LSAMP: variants seen among roughly 807,000 people sequenced by gnomAD.
The protein encoded by LSAMP is limbic system-associated membrane protein.
In LSAMP, 7 loss-of-function variants were observed where a neutral mutation model predicts 38.6. That is an observed-to-expected ratio of 0.18 (90% confidence interval 0.10 to 0.34). The LOEUF (loss-of-function observed/expected upper bound fraction) is 0.34, where lower values mean the gene tolerates loss of function less well. LSAMP is among the 10% of genes least tolerant of loss of function. LSAMP has a pLI of 1.00. For synonymous variants in LSAMP, 154 were observed against 166.8 expected, an observed-to-expected ratio of 0.92 and a Z score of 0.59; for missense variants, 313 against 420.0, an observed-to-expected ratio of 0.75 and a Z score of 2.23.
At chr3:115,817,000 C>T (rs1559833896) in intron 6 of LSAMP, among the ~76,000 whole-genome samples, 2 of 152,184 alleles carry the variant, frequency 1.3e-5, no homozygotes, top group Admixed American at 6.5e-5. Context: ...TCCATAACCT[C>T]GTCCTACCAT....
chr3:115,855,221 C>T (rs1576152397), intron 3 of LSAMP, among the ~76,000 whole-genome samples: 1 of 152,128 alleles, frequency 6.6e-6, no homozygotes, highest in African/African-American at 2.4e-5. Context: ...TTAGCTGCGC[C>T]AACTAAAGCC....
chr3:116,294,221 G>A (rs962519746), intron 1 of LSAMP, among the ~76,000 whole-genome samples: 3 of 152,036 alleles, frequency 2.0e-5, no homozygotes, highest in Admixed American at 1.3e-4. Flanking sequence ...TCCACTCAGT[G>A]GATTATTCAC....
intron 1 of LSAMP, among the ~76,000 whole-genome samples, chr3:116,174,576 T>G (rs1390643283): frequency 6.6e-6 from 1 of 152,064 alleles, no homozygotes; most frequent in Non-Finnish European, 1.5e-5. Flanking sequence ...ATAAAACTAC[T>G]GCTCATCAAA....
At chr3:115,823,686 T>C (rs553921743) in intron 6 of LSAMP, among the ~76,000 whole-genome samples, 24 of 152,354 alleles carry the variant, frequency 1.6e-4, no homozygotes, top group Admixed American at 1.4e-3. Context: ...AATCATTTTC[T>C]GATTATTTGG....
chr3:116,116,659 G>A (rs1029698608), intron 1 of LSAMP, among the ~76,000 whole-genome samples: 2 of 151,922 alleles, frequency 1.3e-5, no homozygotes, highest in Non-Finnish European at 2.9e-5. Flanking sequence ...GGAGGTTGCA[G>A]TGAGCTGAGA....
intron 3 of LSAMP, among the ~76,000 whole-genome samples, chr3:115,859,265 C>A (rs1935601139): frequency 6.6e-6 from 1 of 151,942 alleles, no homozygotes; most frequent in Non-Finnish European, 1.5e-5. Flanking sequence ...TGAAAGAAGG[C>A]AGGGAAGGGG....
chr3:116,024,338 G>A (rs1034504999), intron 2 of LSAMP, among the ~76,000 whole-genome samples: 3 of 152,004 alleles, frequency 2.0e-5, no homozygotes, highest in Non-Finnish European at 1.5e-5. Context: ...ACTCAAGAAA[G>A]GTATCTCACA....
chr3:115,815,753 GAA>G (rs761181542), intron 6 of LSAMP, among the ~76,000 whole-genome samples: 34 of 152,168 alleles, frequency 2.2e-4, no homozygotes, highest in Non-Finnish European at 4.3e-4. Context: ...GAGAAGAAAA[GAA>G]AGGCTGAAAG....
intron 1 of LSAMP, among the ~76,000 whole-genome samples, chr3:116,412,464 T>C (rs960976211): frequency 6.6e-6 from 1 of 152,008 alleles, no homozygotes; most frequent in Non-Finnish European, 1.5e-5. Flanking sequence ...CTCTTCCCCC[T>C]CTATAAGAAA....
At chr3:116,127,871 C>A (rs749993268) in intron 1 of LSAMP, among the ~76,000 whole-genome samples, 1 of 151,796 alleles carries the variant, frequency 6.6e-6, no homozygotes, top group Non-Finnish European at 1.5e-5. Flanking sequence ...TACCCTGAAA[C>A]CACTATTTTT....
intron 1 of LSAMP, among the ~76,000 whole-genome samples, chr3:116,332,486 A>G (rs940208551): frequency 1.3e-5 from 2 of 152,156 alleles, no homozygotes; most frequent in Non-Finnish European, 2.9e-5. Context: ...TATTCTATAG[A>G]ATATGCACAA....
At chr3:115,928,786 G>A (rs186296924) in intron 3 of LSAMP, among the ~76,000 whole-genome samples, 9 of 152,188 alleles carry the variant, frequency 5.9e-5, no homozygotes, top group East Asian at 1.9e-4. Context: ...TTCTGTAACC[G>A]TGGATCCCAG....
At chr3:116,409,041 A>C (rs1476088364) in intron 1 of LSAMP, among the ~76,000 whole-genome samples, 1 of 152,014 alleles carries the variant, frequency 6.6e-6, no homozygotes, top group East Asian at 1.9e-4. Flanking sequence ...ACCAGAGATC[A>C]TATTGGCTCC....
intron 1 of LSAMP, among the ~76,000 whole-genome samples, chr3:116,215,846 G>A (rs1044922990): frequency 6.6e-6 from 1 of 152,154 alleles, no homozygotes; most frequent in Non-Finnish European, 1.5e-5. Context: ...AATTGGCAGT[G>A]AATAACATGC....
At chr3:116,221,635 C>T (rs2046286138) in intron 1 of LSAMP, among the ~76,000 whole-genome samples, 1 of 152,214 alleles carries the variant, frequency 6.6e-6, no homozygotes, top group Admixed American at 6.5e-5. Context: ...GCAGAACCTT[C>T]ATGAACACAG....
At chr3:116,187,790 A>AT (rs1201185204) in intron 1 of LSAMP, among the ~76,000 whole-genome samples, 7 of 151,864 alleles carry the variant, frequency 4.6e-5, no homozygotes, top group Non-Finnish European at 7.4e-5. Context: ...CTTTGTACAC[A>AT]TTTTTTTCAC....
At chr3:115,952,538 A>C (rs1224299492) in intron 3 of LSAMP, among the ~76,000 whole-genome samples, 3 of 152,224 alleles carry the variant, frequency 2.0e-5, no homozygotes, top group Non-Finnish European at 2.9e-5. Flanking sequence ...AAGCATAAGA[A>C]TAGTGCAACG....
At chr3:116,078,391 C>T (rs1272298262) in intron 2 of LSAMP, among the ~76,000 whole-genome samples, 2 of 151,842 alleles carry the variant, frequency 1.3e-5, no homozygotes, top group East Asian at 3.9e-4. Context: ...GTGGCCTGAT[C>T]TGGGCTCACT....
intron 3 of LSAMP, among the ~76,000 whole-genome samples, chr3:115,964,789 A>G (rs1938744587): frequency 6.6e-6 from 1 of 152,144 alleles, no homozygotes; most frequent in Non-Finnish European, 1.5e-5. Context: ...AACATTAACA[A>G]TAGTAACAAT....
Sources: gnomAD v4.1 joint callset for allele counts (sites outside exome capture counted in the v4.1 genomes callset) on GRCh38, gnomAD v4.1.1 for gene constraint, MANE v1.5 for transcripts, NCBI Gene and HGNC (gene_info 2026-07-23, HGNC 2026-07-21) for gene names.